KDM5B: variants seen among roughly 807,000 people sequenced by gnomAD.
The protein encoded by KDM5B is lysine-specific demethylase 5B.
KDM5B carries 144 observed loss-of-function variants against 193.4 expected under a neutral mutation model. That is an observed-to-expected ratio of 0.74 (90% CI 0.65 to 0.86). KDM5B has a LOEUF of 0.86. Ranked by LOEUF, KDM5B falls within the 40% of genes least tolerant of loss-of-function variation. The probability of loss-of-function intolerance (pLI) is 0.00; values close to 1 mark genes in which losing one functional copy is unlikely to be tolerated. For synonymous variants in KDM5B, 668 were observed against 682.6 expected (o/e 0.98, Z 0.33); for missense variants, 1,833 against 1,886.9 (o/e 0.97, Z 0.53).
At chr1:202,782,773 C>G (rs768113120) in intron 1 of KDM5B, among the ~76,000 whole-genome samples, 3 of 152,174 alleles carry the variant, frequency 2.0e-5, no homozygotes, top group Non-Finnish European at 2.9e-5. Flanking sequence ...CATAAAACAG[C>G]CTTTTCATAC....
At chr1:202,760,828 T>C (rs1276410623) in intron 7 of KDM5B, among the ~76,000 whole-genome samples, 2 of 152,214 alleles carry the variant, frequency 1.3e-5, no homozygotes, top group Admixed American at 6.5e-5. Context: ...AAGTTTGTTA[T>C]TTAAAGACCT....
In KDM5B at chr1:202,762,817, G is replaced by T; in HGVS notation, c.809-9C>A. ...ACTCTTCATTTCTTTCTCTGTAGGA[G>T]GCAATCCAAAATTAGCTCTTTATGA... is the stretch of plus-strand genomic sequence containing the variant. On this transcript the variant is annotated splice_polypyrimidine_tract_variant and intron_variant, in intron 6 of 26. Transcript: ENST00000367265. 1 of 1,502,148 alleles carries T rather than the reference G, an allele frequency of 6.7e-7. No homozygotes were observed. The highest frequency in any genetic ancestry group is 9.3e-7 in the Non-Finnish European group (1 of 1,079,090). The allele number at this position is 1,502,148 out of a possible 1,614,324, so 93.1% of individuals were successfully genotyped here. A position where few individuals can be genotyped will look rare whatever the true frequency, so the allele number is the denominator to read the frequency against.
chr1:202,758,748 G>A, intron 8 of KDM5B: 3 of 318,624 alleles, frequency 9.4e-6, no homozygotes, highest in East Asian at 1.1e-4. Flanking sequence ...ACCACAACTT[G>A]GATAAATTTA....
chr1:202,735,105 T>C (rs1655044298), intron 22 of KDM5B, among the ~76,000 whole-genome samples: 1 of 152,206 alleles, frequency 6.6e-6, no homozygotes, highest in Non-Finnish European at 1.5e-5. Flanking sequence ...AACTAATAAA[T>C]TAGCATTGCA....
At chr1:202,806,621 G>T (rs771574041) in intron 1 of KDM5B, 3 of 152,144 alleles carry the variant, frequency 2.0e-5, no homozygotes, top group Admixed American at 1.3e-4. Context: ...ACTTGCTTAA[G>T]AAAAACTAAA....
Position 202,742,800 on chromosome 1 carries a change from C to T in KDM5B, c.2329G>A (p.Val777Ile). 6.2e-7 allele frequency: 1 copy of T among 1,613,736 alleles called. No homozygotes were observed. The highest frequency in any genetic ancestry group is 1.7e-5 in the Admixed American group (1 of 59,990). The change falls in exon 17 of 27, where the codon GTC becomes ATC. Residue 777 changes from valine (V) to isoleucine (I), a missense_variant. Transcript: ENST00000367265. ...EAKINKKKSL[V>I]SFKALIEESE... ...TCTTCAATTAAAGCCTTGAAGCTGACAAGGCCTAGGAATGAAGAAAAAAGT... is the reference window on the plus strand; with the variant it reads ...TCTTCAATTAAAGCCTTGAAGCTGATAAGGCCTAGGAATGAAGAAAAAAGT...
In KDM5B at chr1:202,750,684, G is replaced by A; in HGVS notation, c.1796C>T (p.Ala599Val). ...CCAATCAACAGTGCAGAAGTTAACA[G>A]CCTCAGCAAAATTAAAACCCTGGTT... ...GFNQGFNFAE[A>V]VNFCTVDWLP... The change falls in exon 13 of 27, where the codon GCT becomes GTT. Residue 599 changes from alanine to valine, a missense_variant. Physicochemically the swap from Ala to Val is moderately conservative, Grantham distance 64 (BLOSUM62 0). This residue lies in a region of KDM5B where 1,379 missense variants were observed against 1,349.6 expected (regional missense o/e 1.02). Transcript: ENST00000367265. 1.2e-6 allele frequency: 2 copies of A among 1,613,920 alleles called. No homozygotes were observed. The highest frequency in any genetic ancestry group is 1.7e-6 in the Non-Finnish European group (2 of 1,179,812).
At position 202,731,778 on chromosome 1, in the gene KDM5B, C is replaced by T. The variant is rs1419192454; in HGVS notation, c.4021+50G>A. The T allele has an allele frequency of 4.0e-6, 5 of 1,254,124 alleles. No individual in the cohort carries two copies. In the Admixed American group the frequency reaches 6.8e-5, roughly 17 times the overall value. The allele number at this position is 1,254,124 out of a possible 1,614,324, so 77.7% of individuals were successfully genotyped here. ...CATCTATAATAAAAACCTAGTAATACAAGATCACTCATTACTATCCAGCCC... is the reference window on the plus strand; with the variant it reads ...CATCTATAATAAAAACCTAGTAATATAAGATCACTCATTACTATCCAGCCC... On this transcript the variant is annotated intron_variant, in intron 24 of 26. Transcript: ENST00000367265.
At chr1:202,761,858 C>T (rs1173939161) in intron 7 of KDM5B, among the ~76,000 whole-genome samples, 1 of 151,788 alleles carries the variant, frequency 6.6e-6, no homozygotes. Context: ...ATACATTACT[C>T]AATACTAGAA....
At chr1:202,797,933 G>C (rs916354232) in intron 1 of KDM5B, among the ~76,000 whole-genome samples, 1 of 152,234 alleles carries the variant, frequency 6.6e-6, no homozygotes, top group Non-Finnish European at 1.5e-5. Context: ...GCTTGTGCCT[G>C]TAATCCCAGC....
At chr1:202,749,841 T>C (rs1410062666) in intron 13 of KDM5B, among the ~76,000 whole-genome samples, 2 of 152,192 alleles carry the variant, frequency 1.3e-5, no homozygotes, top group African/African-American at 2.4e-5. Flanking sequence ...GAAATAAGTA[T>C]AGATATAGCA....
intron 4 of KDM5B, among the ~76,000 whole-genome samples, chr1:202,770,254 A>G (rs1232243109): frequency 6.6e-6 from 1 of 152,218 alleles, no homozygotes. Flanking sequence ...TATCATCATC[A>G]TGCCATAATC....
intron 4 of KDM5B, among the ~76,000 whole-genome samples, chr1:202,772,376 T>A (rs1267764816): frequency 1.3e-5 from 2 of 152,236 alleles, no homozygotes; most frequent in East Asian, 3.8e-4. Context: ...GAGGAACCCG[T>A]TAGCTATGTA....
intron 11 of KDM5B, 120 bp from the exon 12 acceptor site, chr1:202,753,187 G>T: frequency 2.5e-6 from 2 of 809,822 alleles, no homozygotes; most frequent in Non-Finnish European, 3.9e-6. Flanking sequence ...TCCACAAACT[G>T]ACGAAATATC....
Position 202,808,191 on chromosome 1 carries a change from A to C in KDM5B, c.115T>G (p.Trp39Gly). Residue 39 changes from tryptophan to glycine, a missense_variant, in exon 1 of 27, where the codon TGG becomes GGG. Trp to Gly is a radical substitution (Grantham distance 184). This residue lies in a region of KDM5B where 355 missense variants were observed against 374.9 expected (regional missense o/e 0.95). Transcript: ENST00000367265. ...GCGAAGGGGTCCGCGAACTCTTCCC[A>C]GCTGGGTTCGAAGACCGGGCACTCG... ...PPECPVFEPS[W>G]EEFADPFAFI... 2 of 1,613,066 alleles carry C rather than the reference A, an allele frequency of 1.2e-6. No individual in the cohort carries two copies. The highest frequency in any genetic ancestry group is 1.7e-6 in the Non-Finnish European group (2 of 1,179,550).
intron 1 of KDM5B, among the ~76,000 whole-genome samples, chr1:202,804,865 CAAAAAAA>C (rs35989953): frequency 2.5e-5 from 2 of 78,908 alleles, no homozygotes. Context: ...AATTCCGTCT[CAAAAAAA>C]AAAAAAAAAA....
At chr1:202,736,002 TTTC>T (rs1655078888) in intron 21 of KDM5B, among the ~76,000 whole-genome samples, 2 of 152,158 alleles carry the variant, frequency 1.3e-5, no homozygotes, top group South Asian at 4.1e-4. Context: ...AGGAAAAAAT[TTTC>T]TTCTTTAGAT....
intron 4 of KDM5B, among the ~76,000 whole-genome samples, chr1:202,768,646 T>TA (rs1485242106): frequency 6.6e-6 from 1 of 152,012 alleles, no homozygotes; most frequent in Non-Finnish European, 1.5e-5. Context: ...AATAGCGCTC[T>TA]ATAAATATTA....
intron 25 of KDM5B, 22 bp downstream of exon 25, chr1:202,730,887 C>T: frequency 1.3e-6 from 2 of 1,568,818 alleles, no homozygotes; most frequent in Middle Eastern, 1.8e-4. Context: ...TGCCTTGCCC[C>T]AGAAGCCTCT....
Sources: allele counts gnomAD v4.1 joint callset (sites outside exome capture counted in the v4.1 genomes callset), GRCh38; gene constraint gnomAD v4.1.1; regional missense constraint gnomAD v4.1.1; transcripts MANE v1.5; gene names NCBI Gene and HGNC (gene_info 2026-07-23, HGNC 2026-07-21).